The following LRP1B variants were observed in gnomAD, a reference collection of about 807,000 sequenced individuals.
LRP1B encodes low-density lipoprotein receptor-related protein 1B.
In LRP1B, 217 loss-of-function variants were observed where a neutral mutation model predicts 556.6. That is an observed-to-expected ratio of 0.39 (90% confidence interval 0.35 to 0.44). The LOEUF is 0.44. Among genes scored for constraint, LRP1B ranks in the 20% least tolerant of loss-of-function variants. LRP1B has a pLI of 1.00. For missense variants in LRP1B, 5,053 were observed against 5,620.8 expected, an observed-to-expected ratio of 0.90 and a Z score of 3.23; for synonymous variants, 2,047 against 1,865.8, an observed-to-expected ratio of 1.10 and a Z score of -2.50.
chr2:140,722,203 T>C lies in LRP1B; in HGVS notation c.5759-5387A>G, dbSNP rs115198257. ...CTGTTGAAAGTGTCTTCCTTTTCCA[T>C]GGTGTGAAAATGCCACAAATTATTT... On this transcript the variant is annotated intron_variant, in intron 35 of 90. Transcript: ENST00000389484. 4.4e-3 allele frequency among the ~76,000 whole-genome samples: 664 copies of C among 152,338 alleles called. 9 individuals are homozygous for C. Among genetic ancestry groups the C allele is most frequent in the African/African-American group, 0.015 (632 of 41,584 alleles).
intron 41 of LRP1B, among the ~76,000 whole-genome samples, chr2:140,660,524 A>AT (rs1685053854): frequency 6.6e-6 from 1 of 152,062 alleles, no homozygotes; most frequent in Admixed American, 6.6e-5. Flanking sequence ...TATCAAAGCC[A>AT]TTTTTCTTCC....
At chr2:141,221,078 A>T (rs1263881109) in intron 6 of LRP1B, among the ~76,000 whole-genome samples, 1 of 152,190 alleles carries the variant, frequency 6.6e-6, no homozygotes, top group Non-Finnish European at 1.5e-5. Flanking sequence ...TAAATGGGCC[A>T]AATGCCCCAA....
chr2:140,872,514 C>A (rs1003444737), intron 25 of LRP1B, among the ~76,000 whole-genome samples: 12 of 151,542 alleles, frequency 7.9e-5, no homozygotes, highest in Admixed American at 1.3e-4. Context: ...ATGGTTTAAC[C>A]TTTTAATAAT....
intron 4 of LRP1B, among the ~76,000 whole-genome samples, chr2:141,254,261 A>G (rs547005316): frequency 6.6e-6 from 1 of 152,258 alleles, no homozygotes; most frequent in African/African-American, 2.4e-5. Context: ...AATTAGATCA[A>G]TGTGTTAGTG....
intron 7 of LRP1B, among the ~76,000 whole-genome samples, chr2:141,172,255 T>C (rs1680532378): frequency 6.6e-6 from 1 of 152,064 alleles, no homozygotes; most frequent in South Asian, 2.1e-4. Flanking sequence ...ATGCTCCATG[T>C]AGTATTGCAT....
chr2:140,257,278 C>T (rs1240981005), intron 86 of LRP1B, among the ~76,000 whole-genome samples: 1 of 151,994 alleles, frequency 6.6e-6, no homozygotes, highest in East Asian at 1.9e-4. Context: ...GCAGTACAAT[C>T]TAAGAAAAGA....
intron 11 of LRP1B, among the ~76,000 whole-genome samples, chr2:141,039,109 A>G (rs1558817626): frequency 6.6e-6 from 1 of 152,060 alleles, no homozygotes; most frequent in Non-Finnish European, 1.5e-5. Context: ...GAAACCTTGC[A>G]CTGTCATTTC....
intron 22 of LRP1B, among the ~76,000 whole-genome samples, chr2:140,905,563 G>A (rs1694226585): frequency 6.6e-6 from 1 of 152,116 alleles, no homozygotes; most frequent in South Asian, 2.1e-4. Context: ...CAGCCCAGTG[G>A]GGGTCTTACT....
intron 3 of LRP1B, among the ~76,000 whole-genome samples, chr2:141,351,479 A>T (rs923300114): frequency 6.6e-6 from 1 of 151,996 alleles, no homozygotes; most frequent in African/African-American, 2.4e-5. Context: ...ACAAATAGTG[A>T]TAGTATCCTC....
At chr2:141,254,306 C>T (rs1286105534) in intron 4 of LRP1B, among the ~76,000 whole-genome samples, 1 of 151,950 alleles carries the variant, frequency 6.6e-6, no homozygotes, top group East Asian at 1.9e-4. Flanking sequence ...TGACATTTCC[C>T]AAGTTTGAAA....
intron 4 of LRP1B, among the ~76,000 whole-genome samples, chr2:141,251,694 A>ATGACAGC (rs1684266884): frequency 1.3e-5 from 2 of 152,108 alleles, no homozygotes; most frequent in South Asian, 4.1e-4. Flanking sequence ...GTTCTTCTGA[A>ATGACAGC]ATGACAGCAA....
At chr2:140,334,614 C>T (rs1318142373) in intron 78 of LRP1B, 55 bp from the exon 79 acceptor site, 3 of 954,994 alleles carry the variant, frequency 3.1e-6, no homozygotes, top group African/African-American at 1.7e-5. Flanking sequence ...TATAACCAGA[C>T]TCTGCTCCGC....
intron 43 of LRP1B, among the ~76,000 whole-genome samples, chr2:140,587,825 G>A (rs965645304): frequency 1.3e-5 from 2 of 151,858 alleles, no homozygotes; most frequent in Admixed American, 1.3e-4. Context: ...GAGACAAGAA[G>A]CAAATCTTAA....
In LRP1B at chr2:140,475,209, T is replaced by G. The variant is rs141039706; in HGVS notation, c.9554A>C (p.Asn3185Thr). 6.2e-7 allele frequency: 1 copy of G among 1,611,754 alleles called. No individual in the cohort carries two copies. The highest frequency in any genetic ancestry group is 8.5e-7 in the Non-Finnish European group (1 of 1,178,582). Residue 3185 changes from asparagine (N) to threonine (T), a missense_variant, in exon 60 of 91, where the codon AAT becomes ACT. By Grantham distance (65) the Asn-to-Thr change is moderately conservative (BLOSUM62 0). Coordinates refer to ENST00000389484, the MANE Select transcript of LRP1B (RefSeq NM_018557.3). ...RPMALTIDYV[N>T]RRLYWADENH... ...TTCATCGGCCCAGTAGAGTCTACGA[T>G]TAACATAATCTATTGTTAGTGCCAT...
intron 32 of LRP1B, among the ~76,000 whole-genome samples, chr2:140,793,643 C>T (rs1690199177): frequency 6.6e-6 from 1 of 151,912 alleles, no homozygotes; most frequent in African/African-American, 2.4e-5. Flanking sequence ...ATGTCCCTAT[C>T]TTTCACAAAT....
chr2:140,918,126 G>C (rs1694631908), intron 21 of LRP1B, among the ~76,000 whole-genome samples: 1 of 151,374 alleles, frequency 6.6e-6, no homozygotes, highest in South Asian at 2.1e-4. Flanking sequence ...AGATTATTTT[G>C]AAGTATGATC....
At chr2:141,167,109 G>T (rs1680301527) in intron 7 of LRP1B, 1 of 151,534 alleles carries the variant, frequency 6.6e-6, no homozygotes, top group South Asian at 2.1e-4. Flanking sequence ...TTTTATTACA[G>T]TCTTAAATAT....
intron 2 of LRP1B, among the ~76,000 whole-genome samples, chr2:141,691,879 T>G (rs1313898831): frequency 6.6e-6 from 1 of 152,020 alleles, no homozygotes; most frequent in African/African-American, 2.4e-5. Flanking sequence ...TATAGACAAC[T>G]TGAATTCAGT....
At chr2:141,199,938 G>T (rs940565260) in intron 6 of LRP1B, among the ~76,000 whole-genome samples, 2 of 152,056 alleles carry the variant, frequency 1.3e-5, no homozygotes, top group Non-Finnish European at 2.9e-5. Context: ...TGCTTCCAAG[G>T]CTTCAGATAA....
Sources: gnomAD v4.1 joint callset for allele counts (sites outside exome capture counted in the v4.1 genomes callset) on GRCh38, gnomAD v4.1.1 for gene constraint, MANE v1.5 for transcripts, NCBI Gene and HGNC (gene_info 2026-07-23, HGNC 2026-07-21) for gene names.